TTLL3: variants seen among roughly 807,000 people sequenced by gnomAD.
TTLL3 encodes the protein tubulin monoglycylase TTLL3.
In TTLL3, 63 loss-of-function variants were observed where a neutral mutation model predicts 75.2. That is an observed-to-expected ratio of 0.84 (90% CI 0.68 to 1.03). TTLL3 has a LOEUF of 1.03. TTLL3 is among the 50% of genes least tolerant of loss of function. The pLI, the probability that TTLL3 is intolerant of heterozygous loss-of-function variation, is 0.00. For missense variants in TTLL3, 997 were observed against 1,069.9 expected, an observed-to-expected ratio of 0.93 and a Z score of 0.95; for synonymous variants, 393 against 418.5, an observed-to-expected ratio of 0.94 and a Z score of 0.74.
At chr3:9,821,774 G>A (rs965029094) in intron 8 of TTLL3, among the ~76,000 whole-genome samples, 6 of 152,150 alleles carry the variant, frequency 3.9e-5, no homozygotes, top group African/African-American at 9.6e-5. Flanking sequence ...AGGCTGAGGC[G>A]GGCAGATCAC....
At position 9,833,124 on chromosome 3, in the gene TTLL3, A is replaced by G. The variant is rs762331275; in HGVS notation, c.1704A>G (p.Gln568=). ...IYKQPAVEVP[Q]YVGIRLLVEG... ...CACAGCCTGCTGTGGAGGTGCCTCA[A>G]TATGTGGGCATCCGGCTCCTGGTAG... Residue 568 remains glutamine (Q), a synonymous_variant, in exon 12 of 14, where the codon CAA becomes CAG. Transcript: ENST00000685419. 1.2e-6 allele frequency: 2 copies of G among 1,614,142 alleles called. No individual in the cohort carries two copies. Among genetic ancestry groups the G allele is most frequent in the Middle Eastern group, 1.7e-4 (1 of 6,060 alleles).
In TTLL3 at chr3:9,835,263, G is replaced by C; in HGVS notation, c.2222G>C (p.Ser741Thr). 1.9e-6 allele frequency: 3 copies of C among 1,614,184 alleles called. No individual in the cohort carries two copies. Among genetic ancestry groups the C allele is most frequent in the Non-Finnish European group, 2.5e-6 (3 of 1,180,018 alleles). Residue 741 changes from serine to threonine, a missense_variant, in exon 14 of 14, where the codon AGC becomes ACC. Transcript: ENST00000685419. ...RAEACPMKRL[S>T]PLKPLPLVGT... ...GAGGCCTGCCCCATGAAGAGGCTGA[G>C]CCCCCTGAAACCCCTGCCCCTTGTT...
intron 11 of TTLL3, among the ~76,000 whole-genome samples, chr3:9,831,510 T>C (rs931591938): frequency 1.3e-5 from 2 of 152,222 alleles, no homozygotes; most frequent in African/African-American, 4.8e-5. Context: ...GTTACAGTGG[T>C]GGCTACCAGA....
intron 4 of TTLL3, 145 bp downstream of exon 4, chr3:9,813,490 C>T: frequency 1.1e-6 from 1 of 916,556 alleles, no homozygotes; most frequent in East Asian, 2.6e-5. Flanking sequence ...TCTTTAAAGG[C>T]TGGATAGAGC....
intron 4 of TTLL3, 104 bp downstream of exon 4, chr3:9,813,449 C>A: frequency 2.3e-6 from 3 of 1,292,256 alleles, no homozygotes; most frequent in Non-Finnish European, 3.3e-6. Flanking sequence ...TTCTCTGGGC[C>A]ACAGTTTCCC....
chr3:9,816,778 C>T (rs959030586), intron 5 of TTLL3, among the ~76,000 whole-genome samples: 5 of 152,008 alleles, frequency 3.3e-5, no homozygotes, highest in East Asian at 1.9e-4. Context: ...ATTTCGGGCA[C>T]GAGCCATCAT....
intron 4 of TTLL3, among the ~76,000 whole-genome samples, chr3:9,814,703 C>A (rs1350794499): frequency 1.3e-5 from 2 of 151,812 alleles, no homozygotes; most frequent in Non-Finnish European, 2.9e-5. Flanking sequence ...CGCCTGTAAT[C>A]CCAGCTACTC....
Position 9,819,671 on chromosome 3 carries a change from T to C in TTLL3, c.658+751T>C, listed in dbSNP as rs561441855. ...CTGCCCTTTCCCTTCTGGATTTAGC[T>C]CGTGTCTCCAGGCTCCTAGTCCTGT... On this transcript the variant is annotated intron_variant, in intron 7 of 13. Coordinates refer to ENST00000685419, the MANE Select transcript of TTLL3 (RefSeq NM_001387446.1). The C allele has an allele frequency of 1.7e-5, 17 of 985,552 alleles. No homozygotes were observed. In the African/African-American group the frequency reaches 2.8e-4, roughly 16 times the overall value. 61.1% of individuals were successfully genotyped at this position (985,552 alleles called of 1,614,324 possible). A position where few individuals can be genotyped will look rare whatever the true frequency, so the allele number is the denominator to read the frequency against.
intron 7 of TTLL3, chr3:9,819,500 A>C: frequency 1.0e-6 from 1 of 989,254 alleles, no homozygotes; most frequent in African/African-American, 1.7e-5. Context: ...GCCTGTGAGG[A>C]GTTCAGGTCT....
Position 9,836,146 on chromosome 3 carries a change from A to G in TTLL3, c.*657A>G, listed in dbSNP as rs559583680. The G allele has an allele frequency of 2.0e-5, 3 of 152,238 alleles. No individual in the cohort carries two copies. The highest frequency in any genetic ancestry group is 7.2e-5 in the African/African-American group (3 of 41,510). The allele number at this position is 152,238 out of a possible 1,614,324, so 9.4% of individuals were successfully genotyped here. ...CAACATGGTGAAACCGTTTCTACAGAAAATTAGCTGGGTGTGGTGGCACAC... is the reference window on the plus strand; with the variant it reads ...CAACATGGTGAAACCGTTTCTACAGGAAATTAGCTGGGTGTGGTGGCACAC... On this transcript the variant is annotated 3_prime_UTR_variant, in exon 14 of 14. Coordinates refer to ENST00000685419, the MANE Select transcript of TTLL3 (RefSeq NM_001387446.1).
rs2080998665 is a variant in TTLL3 at position 9,825,957 on chromosome 3, C to A, written c.1003+9C>A. The A allele has an allele frequency of 6.2e-7, 1 of 1,611,376 alleles. No homozygotes were observed. On this transcript the variant is annotated intron_variant, in intron 9 of 13. Coordinates refer to ENST00000685419, the MANE Select transcript of TTLL3 (RefSeq NM_001387446.1). ...CAAGTCCCGCGGACGAGGTGGGGGTCAGCTCCTGCTTCCTGCACTGGCACC... is the reference window on the plus strand; with the variant it reads ...CAAGTCCCGCGGACGAGGTGGGGGTAAGCTCCTGCTTCCTGCACTGGCACC...
At chr3:9,811,875 T>C (rs187309462) in intron 2 of TTLL3, among the ~76,000 whole-genome samples, 2 of 152,332 alleles carry the variant, frequency 1.3e-5, no homozygotes, top group African/African-American at 4.8e-5. Flanking sequence ...TGTACATTCA[T>C]GGCTTCCTTT....
chr3:9,825,721 G>A, intron 8 of TTLL3, 79 bp from the exon 9 acceptor site: 3 of 1,612,548 alleles, frequency 1.9e-6, no homozygotes, highest in Middle Eastern at 1.6e-4. Context: ...GCGGGGGATG[G>A]TGGAATATAT....
intron 4 of TTLL3, among the ~76,000 whole-genome samples, chr3:9,815,614 A>G (rs933699614): frequency 2.0e-5 from 3 of 152,224 alleles, no homozygotes; most frequent in African/African-American, 2.4e-5. Flanking sequence ...GCCAGAACAA[A>G]GTGTGACATT....
intron 2 of TTLL3, among the ~76,000 whole-genome samples, chr3:9,811,464 C>G (rs1028731190): frequency 9.9e-5 from 15 of 152,206 alleles, no homozygotes; most frequent in African/African-American, 3.6e-4. Context: ...ATCTCCACCT[C>G]CAAAACGATT....
Position 9,810,686 on chromosome 3 carries a change from A to G in TTLL3, c.25A>G (p.Ile9Val). Reference protein sequence around the residue: MNRLRNAKIYVERAVKQKK... With the variant: MNRLRNAKVYVERAVKQKK... Reference sequence around the variant, plus strand: ...CATGAACCGGCTCAGAAACGCCAAAATCTACGTGGAGAGAGCTGTCAAGGT... The same window carrying G: ...CATGAACCGGCTCAGAAACGCCAAAGTCTACGTGGAGAGAGCTGTCAAGGT... The change falls in exon 2 of 14, where the codon ATC becomes GTC. Residue 9 changes from isoleucine to valine, a missense_variant. Transcript: ENST00000685419. The surrounding 1 kb of genome is among the most constrained non-coding windows in gnomAD (Gnocchi z 4.4). The G allele has an allele frequency of 6.3e-7, 1 of 1,587,786 alleles. No individual in the cohort carries two copies. Among genetic ancestry groups the G allele is most frequent in the Non-Finnish European group, 8.6e-7 (1 of 1,167,644 alleles).
chr3:9,813,579 A>C (rs2079542344), intron 4 of TTLL3, among the ~76,000 whole-genome samples: 2 of 152,202 alleles, frequency 1.3e-5, no homozygotes, highest in Non-Finnish European at 2.9e-5. Context: ...TAGGAGTTCA[A>C]GACCAGCCTG....
chr3:9,822,532 T>G (rs1224757656), intron 8 of TTLL3, among the ~76,000 whole-genome samples: 1 of 151,598 alleles, frequency 6.6e-6, no homozygotes, highest in Non-Finnish European at 1.5e-5. Context: ...ATATTTTATT[T>G]TATTTTTTTG....
intron 10 of TTLL3, chr3:9,827,568 A>C: frequency 3.6e-6 from 1 of 276,998 alleles, no homozygotes; most frequent in Non-Finnish European, 7.0e-6. Context: ...GCTGATTTTT[A>C]AGTTTTTTAA....
Sources: allele counts gnomAD v4.1 joint callset (sites outside exome capture counted in the v4.1 genomes callset), GRCh38; gene constraint gnomAD v4.1.1; non-coding constraint Gnocchi (gnomAD v3.1); transcripts MANE v1.5; gene names NCBI Gene and HGNC (gene_info 2026-07-23, HGNC 2026-07-21).